GPC6: variants seen among roughly 807,000 people sequenced by gnomAD.
GPC6 encodes the protein glypican 6, also known as glypican-6.
GPC6 carries 14 observed loss-of-function variants against 55.2 expected under a neutral mutation model. The ratio of observed to expected loss-of-function variants is 0.25; its 90% CI spans 0.17 to 0.40. The LOEUF is 0.40. GPC6 is among the 10% of genes least tolerant of loss of function. The probability of loss-of-function intolerance (pLI) is 1.00; values close to 1 mark genes in which losing one functional copy is unlikely to be tolerated. For synonymous variants in GPC6, 278 were observed against 259.6 expected (o/e 1.07, Z -0.68); for missense variants, 641 against 708.5 (o/e 0.90, Z 1.08).
intron 1 of GPC6, among the ~76,000 whole-genome samples, chr13:93,421,359 C>T (rs1351724277): frequency 6.6e-6 from 1 of 151,998 alleles, no homozygotes; most frequent in African/African-American, 2.4e-5. Context: ...TGTCAAATTC[C>T]TGTTATCTTA....
intron 1 of GPC6, among the ~76,000 whole-genome samples, chr13:93,276,741 C>T (rs1783798732): frequency 6.6e-6 from 1 of 152,160 alleles, no homozygotes. Flanking sequence ...CTCGGGAGTA[C>T]CTGGGATGTG....
chr13:93,547,619 G>A (rs1874884476), intron 2 of GPC6, among the ~76,000 whole-genome samples: 1 of 152,048 alleles, frequency 6.6e-6, no homozygotes, highest in Non-Finnish European at 1.5e-5. Flanking sequence ...CTGACCTAAG[G>A]GAGGATGAAT....
intron 2 of GPC6, among the ~76,000 whole-genome samples, chr13:93,778,579 G>A (rs1278533703): frequency 2.0e-5 from 3 of 152,084 alleles, no homozygotes; most frequent in Admixed American, 6.6e-5. Flanking sequence ...GCTTAGATAC[G>A]GCCTTTGGCA....
chr13:93,761,658 C>T (rs1379424038), intron 2 of GPC6, among the ~76,000 whole-genome samples: 1 of 152,078 alleles, frequency 6.6e-6, no homozygotes, highest in East Asian at 1.9e-4. Context: ...GCATGCACCA[C>T]CACACCGGGC....
At chr13:93,638,761 T>A (rs1019391237) in intron 2 of GPC6, among the ~76,000 whole-genome samples, 1 of 152,198 alleles carries the variant, frequency 6.6e-6, no homozygotes, top group Admixed American at 6.6e-5. Flanking sequence ...GCCTTGAGAA[T>A]GGTCTTTTTA....
At chr13:93,728,550 C>G (rs1348032881) in intron 2 of GPC6, among the ~76,000 whole-genome samples, 1 of 147,832 alleles carries the variant, frequency 6.8e-6, no homozygotes, top group Non-Finnish European at 1.5e-5. Context: ...CTTATTTTAT[C>G]TTATGTTATC....
At chr13:93,542,434 G>A (rs1009608303) in intron 1 of GPC6, among the ~76,000 whole-genome samples, 1 of 152,176 alleles carries the variant, frequency 6.6e-6, no homozygotes, top group African/African-American at 2.4e-5. Flanking sequence ...TAGCCTTGTA[G>A]TATAGTTTGA....
chr13:93,377,425 AC>A (rs1396866534), intron 1 of GPC6, among the ~76,000 whole-genome samples: 1 of 152,214 alleles, frequency 6.6e-6, no homozygotes, highest in African/African-American at 2.4e-5. Context: ...CCTAGACTGG[AC>A]AACTCTCAGA....
rs574100829 is a variant in GPC6, at chr13:93,619,444, T to C, written c.319+74023T>C. Among the ~76,000 whole-genome samples the C allele has an allele frequency of 2.6e-5, 4 of 152,250 alleles. No individual in the cohort carries two copies. In the South Asian group the frequency reaches 8.3e-4, roughly 32 times the overall value. ...AGGAAGTGTCTATGTTCTTTACACT[T>C]TTTTGTTGTTGTTCTGTTTTTATCT... is the stretch of plus-strand genomic sequence containing the variant. On this transcript the variant is annotated intron_variant, in intron 2 of 8. Coordinates refer to ENST00000377047, the MANE Select transcript of GPC6 (RefSeq NM_005708.5).
At chr13:93,405,297 C>T (rs1291903643) in intron 1 of GPC6, among the ~76,000 whole-genome samples, 1 of 152,188 alleles carries the variant, frequency 6.6e-6, no homozygotes. Context: ...TATGGTGTTG[C>T]GGCACCATCA....
chr13:93,254,854 A>G (rs908735356), intron 1 of GPC6, among the ~76,000 whole-genome samples: 9 of 152,226 alleles, frequency 5.9e-5, no homozygotes, highest in Admixed American at 5.2e-4. Flanking sequence ...GGCAGACCAC[A>G]CTAATCTAAG....
intron 2 of GPC6, among the ~76,000 whole-genome samples, chr13:93,705,652 T>C (rs1197706090): frequency 6.6e-6 from 1 of 151,684 alleles, no homozygotes; most frequent in Non-Finnish European, 1.5e-5. Context: ...AGTTAATGGA[T>C]ATTGGGGATC....
chr13:94,328,056 G>A (rs1877216486), intron 6 of GPC6, among the ~76,000 whole-genome samples: 1 of 152,150 alleles, frequency 6.6e-6, no homozygotes, highest in Non-Finnish European at 1.5e-5. Flanking sequence ...CAGTAGAGAA[G>A]GATCTGTGGC....
Position 94,224,261 on chromosome 13 carries a change from AT to A in GPC6, c.878-62087del, listed in dbSNP as rs1294901558. ...ATTTTTGTATATCATCTTTAAATAT[AT>A]ATATATATATATATATATATATCAA... On this transcript the variant is annotated intron_variant, in intron 4 of 8. Transcript: ENST00000377047. 9.0e-4 allele frequency among the ~76,000 whole-genome samples: 9 copies of A among 9,994 alleles called. No homozygotes were observed. In the South Asian group the frequency reaches 0.015, roughly 17 times the overall value. The allele number at this position is 9,994 out of a possible 152,430, so 6.6% of individuals were successfully genotyped here. A position where few individuals can be genotyped will look rare whatever the true frequency, so the allele number is the denominator to read the frequency against.
intron 1 of GPC6, among the ~76,000 whole-genome samples, chr13:93,480,287 C>T (rs939323629): frequency 1.5e-4 from 23 of 152,106 alleles, no homozygotes; most frequent in Admixed American, 9.8e-4. Flanking sequence ...CCTTTACTTA[C>T]ATTTCTTTAA....
chr13:93,407,440 G>C (rs866146056), intron 1 of GPC6, among the ~76,000 whole-genome samples: 218 of 152,014 alleles, frequency 1.4e-3, no homozygotes, highest in African/African-American at 5.1e-3. Context: ...GACCGTGCCT[G>C]ACTTTGAGTT....
At chr13:94,102,747 T>C (rs1429447582) in intron 4 of GPC6, among the ~76,000 whole-genome samples, 2 of 152,204 alleles carry the variant, frequency 1.3e-5, no homozygotes, top group East Asian at 1.9e-4. Context: ...AGTAGAGTTA[T>C]GTTTTCCTTT....
At chr13:94,387,707 C>T (rs1015846260) in intron 7 of GPC6, among the ~76,000 whole-genome samples, 8 of 149,294 alleles carry the variant, frequency 5.4e-5, no homozygotes, top group Non-Finnish European at 1.2e-4. Context: ...GGGATTACTA[C>T]CCTTGTAAGA....
At chr13:93,880,412 G>GT (rs1211057574) in intron 3 of GPC6, among the ~76,000 whole-genome samples, 6 of 152,080 alleles carry the variant, frequency 3.9e-5, no homozygotes, top group Admixed American at 6.6e-5. Context: ...CATGTCCTTT[G>GT]TGGGGACATG....
Sources: gnomAD v4.1 joint callset for allele counts (sites outside exome capture counted in the v4.1 genomes callset) on GRCh38, gnomAD v4.1.1 for gene constraint, MANE v1.5 for transcripts, NCBI Gene and HGNC (gene_info 2026-07-23, HGNC 2026-07-21) for gene names.